The following SLC24A3 variants were observed in gnomAD, a reference collection of about 807,000 sequenced individuals.
SLC24A3 encodes sodium/potassium/calcium exchanger 3.
A neutral mutation model predicts 75.8 loss-of-function variants in SLC24A3; 28 were observed. That is an observed-to-expected ratio of 0.37 (90% CI 0.27 to 0.51). The LOEUF (loss-of-function observed/expected upper bound fraction) is 0.51, where lower values mean the gene tolerates loss of function less well. Ranked by LOEUF, SLC24A3 falls within the 20% of genes least tolerant of loss-of-function variation. The probability of loss-of-function intolerance (pLI) is 0.94; values close to 1 mark genes in which losing one functional copy is unlikely to be tolerated. For missense variants in SLC24A3, 663 were observed against 847.8 expected (o/e 0.78, Z 2.71); for synonymous variants, 372 against 334.1 (o/e 1.11, Z -1.24).
intron 2 of SLC24A3, among the ~76,000 whole-genome samples, chr20:19,327,330 C>G (rs1053206127): frequency 2.0e-5 from 3 of 152,112 alleles, no homozygotes; most frequent in Non-Finnish European, 4.4e-5. Context: ...ATTGGGTTGT[C>G]AATAAAAAAA....
chr20:19,484,682 G>C (rs761407046), intron 2 of SLC24A3, among the ~76,000 whole-genome samples: 1 of 152,124 alleles, frequency 6.6e-6, no homozygotes, highest in Admixed American at 6.5e-5. Flanking sequence ...GTCAGGGTCC[G>C]GGGGGAGGCA....
At chr20:19,442,657 T>A (rs952518186) in intron 2 of SLC24A3, among the ~76,000 whole-genome samples, 1 of 152,230 alleles carries the variant, frequency 6.6e-6, no homozygotes, top group African/African-American at 2.4e-5. Context: ...CTGTGGCTTG[T>A]CTTTTCACTC....
At chr20:19,527,376 A>G (rs1039579394) in intron 3 of SLC24A3, among the ~76,000 whole-genome samples, 2 of 152,180 alleles carry the variant, frequency 1.3e-5, no homozygotes, top group Admixed American at 6.5e-5. Flanking sequence ...CGGTGAATGA[A>G]TGAAGTGTGC....
rs1241374467 is a variant in SLC24A3 at position 19,273,899 on chromosome 20, T to G, written c.143-7060T>G. ...ACAATCACAGGCATCACCTCTTAAC[T>G]GGTGTAAATTTCTTGCCAGTATCAA... On this transcript the variant is annotated intron_variant, in intron 1 of 16. Coordinates refer to ENST00000328041, the MANE Select transcript of SLC24A3 (RefSeq NM_020689.4). 2.0e-5 allele frequency among the ~76,000 whole-genome samples: 3 copies of G among 151,364 alleles called. No homozygotes were observed. In the East Asian group the frequency reaches 6.1e-4, roughly 31 times the overall value.
rs140895316 is a variant in SLC24A3, at chr20:19,488,458, T to C, written c.272-27030T>C. ...GGTTCTGTTCTCCCTCAGACCAAGA[T>C]CTAGGAATTGCCTTCTAGAAAGAAA... On this transcript the variant is annotated intron_variant, in intron 2 of 16. Coordinates refer to ENST00000328041, the MANE Select transcript of SLC24A3 (RefSeq NM_020689.4). 1.1e-3 allele frequency among the ~76,000 whole-genome samples: 174 copies of C among 152,298 alleles called. 3 individuals carry two copies. The East Asian group carries it at 0.029, about 26-fold the overall frequency.
chr20:19,675,838 A>G (rs1489098782), intron 9 of SLC24A3, among the ~76,000 whole-genome samples: 2 of 152,202 alleles, frequency 1.3e-5, no homozygotes, highest in African/African-American at 4.8e-5. Flanking sequence ...TCTTTGTCTC[A>G]AAGAGCAAAA....
At chr20:19,696,014 T>C (rs1006449664) in intron 13 of SLC24A3, among the ~76,000 whole-genome samples, 1 of 106,134 alleles carries the variant, frequency 9.4e-6, no homozygotes, top group African/African-American at 3.1e-5. Context: ...TTTTTCCTTT[T>C]CTTTTTTTTT....
intron 1 of SLC24A3, among the ~76,000 whole-genome samples, chr20:19,257,442 C>A (rs1982847636): frequency 6.6e-6 from 1 of 152,204 alleles, no homozygotes; most frequent in South Asian, 2.1e-4. Context: ...GCTTGGGTTT[C>A]TCATATCTTT....
At chr20:19,695,938 G>T (rs1261406805) in intron 13 of SLC24A3, among the ~76,000 whole-genome samples, 1 of 151,818 alleles carries the variant, frequency 6.6e-6, no homozygotes, top group East Asian at 1.9e-4. Flanking sequence ...TGTTGACAAG[G>T]ACAGCAAATT....
intron 9 of SLC24A3, among the ~76,000 whole-genome samples, chr20:19,680,154 GTGTGTGTC>G (rs1343306810): frequency 1.3e-5 from 2 of 149,796 alleles, no homozygotes; most frequent in East Asian, 3.9e-4. Context: ...GTGTGTGTCT[GTGTGTGTC>G]TGTGTGTCTC....
chr20:19,296,150 T>C (rs1984054213), intron 2 of SLC24A3, among the ~76,000 whole-genome samples: 1 of 152,088 alleles, frequency 6.6e-6, no homozygotes, highest in Non-Finnish European at 1.5e-5. Flanking sequence ...TGCATAGAGG[T>C]GTTTATAGTA....
chr20:19,650,867 C>T (rs2032194904), intron 6 of SLC24A3, among the ~76,000 whole-genome samples: 1 of 152,114 alleles, frequency 6.6e-6, no homozygotes, highest in African/African-American at 2.4e-5. Context: ...TTAGAGCTCT[C>T]CAATCTTCTT....
At chr20:19,693,573 A>C in intron 13 of SLC24A3, 148 bp downstream of exon 13, 1 of 1,012,004 alleles carries the variant, frequency 9.9e-7, no homozygotes, top group Non-Finnish European at 1.4e-6. Flanking sequence ...TTAGTAGTTT[A>C]GAATTGCAGG....
At chr20:19,440,649 T>G (rs908579924) in intron 2 of SLC24A3, among the ~76,000 whole-genome samples, 1 of 40,370 alleles carries the variant, frequency 2.5e-5, no homozygotes, top group Non-Finnish European at 4.0e-5. Context: ...CTCACTGTTT[T>G]TTTTTTTTTT....
At chr20:19,401,534 A>G (rs1317293236) in intron 2 of SLC24A3, among the ~76,000 whole-genome samples, 4 of 112,708 alleles carry the variant, frequency 3.5e-5, no homozygotes, top group Non-Finnish European at 7.8e-5. Flanking sequence ...TGATGAGAAT[A>G]CTGAACAAGG....
Position 19,665,882 on chromosome 20 carries a change from G to C in SLC24A3, c.706G>C (p.Val236Leu). 6.2e-7 allele frequency: 1 copy of C among 1,610,322 alleles called. No homozygotes were observed. The highest frequency in any genetic ancestry group is 8.5e-7 in the Non-Finnish European group (1 of 1,178,530). ...TTCACAGTTTATTTATGATGAAAAAGTTTCCTGGTAAGTACCTCTCTTTCC... is the reference window on the plus strand; with the variant it reads ...TTCACAGTTTATTTATGATGAAAAACTTTCCTGGTAAGTACCTCTCTTTCC... ...ALIVFIYDEKVSWWESLVLVL... is the reference protein window; with the variant it reads ...ALIVFIYDEKLSWWESLVLVL... Residue 236 changes from valine (V) to leucine (L), a missense_variant, in exon 8 of 17, where the codon GTT (valine) becomes CTT (leucine). Coordinates refer to ENST00000328041, the MANE Select transcript of SLC24A3 (RefSeq NM_020689.4).
chr20:19,504,647 C>T (rs1325300247), intron 2 of SLC24A3, among the ~76,000 whole-genome samples: 1 of 152,176 alleles, frequency 6.6e-6, no homozygotes, highest in Non-Finnish European at 1.5e-5. Context: ...GACATAAGAA[C>T]ATGAGAGATG....
chr20:19,471,879 AAG>A (rs1418089181), intron 2 of SLC24A3, among the ~76,000 whole-genome samples: 1 of 152,244 alleles, frequency 6.6e-6, no homozygotes, highest in Non-Finnish European at 1.5e-5. Context: ...TCCTTTAAAA[AAG>A]AGCAACATTT....
At chr20:19,531,242 T>C (rs1161084766) in intron 3 of SLC24A3, among the ~76,000 whole-genome samples, 1 of 152,182 alleles carries the variant, frequency 6.6e-6, no homozygotes, top group African/African-American at 2.4e-5. Context: ...GAAGTGGGTA[T>C]TGAGTGCATC....
Sources: gnomAD v4.1 joint callset for allele counts (sites outside exome capture counted in the v4.1 genomes callset) on GRCh38, gnomAD v4.1.1 for gene constraint, MANE v1.5 for transcripts, NCBI Gene and HGNC (gene_info 2026-07-23, HGNC 2026-07-21) for gene names.